TSBP1: variants seen among roughly 807,000 people sequenced by gnomAD.
TSBP1 encodes the protein testis-expressed basic protein 1.
TSBP1 carries 56 observed loss-of-function variants against 68.8 expected under a neutral mutation model. The ratio of observed to expected loss-of-function variants is 0.81; its 90% CI spans 0.66 to 1.02. The LOEUF (loss-of-function observed/expected upper bound fraction) is 1.02, where lower values mean the gene tolerates loss of function less well. Ranked by LOEUF, TSBP1 falls within the 50% of genes least tolerant of loss-of-function variation. The probability of loss-of-function intolerance (pLI) is 0.00; values close to 1 mark genes in which losing one functional copy is unlikely to be tolerated. For missense variants in TSBP1, 502 were observed against 641.2 expected (o/e 0.78, Z 2.34); for synonymous variants, 171 against 208.7 (o/e 0.82, Z 1.56).
rs1766246292 is a variant in TSBP1 at position 32,310,247 on chromosome 6, TGTAA to T, written c.580+5521_580+5524del. On this transcript the variant is annotated intron_variant, in intron 19 of 22. Coordinates refer to ENST00000612031, the Ensembl canonical transcript of TSBP1. The stretch of plus-strand genomic sequence containing the variant: ...GCTTACTACGATGAGTTTTGGCACA[TGTAA>T]GTGTGTGTGTGTGTGTATATATCTG... Among the ~76,000 whole-genome samples the T allele has an allele frequency of 5.1e-5, 4 of 78,512 alleles. No individual in the cohort carries two copies. The Admixed American group carries it at 5.3e-4, about 10-fold the overall frequency. 51.5% of individuals were successfully genotyped at this position (78,512 alleles called of 152,430 possible).
intron 20 of TSBP1, among the ~76,000 whole-genome samples, chr6:32,301,896 A>G (rs1465702735): frequency 6.6e-6 from 1 of 150,796 alleles, no homozygotes; most frequent in Non-Finnish European, 1.5e-5. Context: ...AATAGCATCT[A>G]GGACATGCTA....
intron 18 of TSBP1, 93 bp from the exon 20 acceptor site, chr6:32,322,599 A>G (rs1327579968): frequency 4.3e-6 from 4 of 936,014 alleles, no homozygotes; most frequent in African/African-American, 1.6e-5. Flanking sequence ...CTGTGAGGGG[A>G]GGACTTGGGT....
At chr6:32,330,486 TG>T in intron 16 of TSBP1, 102 bp downstream of exon 17, 1 of 997,880 alleles carries the variant, frequency 1.0e-6, no homozygotes, top group Non-Finnish European at 1.5e-6. Context: ...ACTGCTCTTA[TG>T]GCAGTGAGAC....
intron 18 of TSBP1, among the ~76,000 whole-genome samples, chr6:32,322,778 A>G (rs916267184): frequency 6.6e-6 from 1 of 152,222 alleles, no homozygotes; most frequent in African/African-American, 2.4e-5. Flanking sequence ...AGCTTTGGGC[A>G]TAGTGTTGGG....
Sources: allele counts gnomAD v4.1 joint callset (sites outside exome capture counted in the v4.1 genomes callset), GRCh38; gene constraint gnomAD v4.1.1; transcripts MANE v1.5; gene names NCBI Gene and HGNC (gene_info 2026-07-23, HGNC 2026-07-21).